Variants in SNAP47 observed in about 807,000 individuals in gnomAD.
SNAP47 encodes synaptosome associated protein 47.
In SNAP47, 20 loss-of-function variants were observed where a neutral mutation model predicts 31.4. The observed-to-expected ratio is 0.64, with a 90% CI of 0.45 to 0.93. The LOEUF (loss-of-function observed/expected upper bound fraction) is 0.93. Ranked by LOEUF, SNAP47 falls within the 40% of genes least tolerant of loss-of-function variation. The probability of loss-of-function intolerance (pLI) is 0.00; values close to 1 mark genes in which losing one functional copy is unlikely to be tolerated. For synonymous variants in SNAP47, 194 were observed against 213.4 expected (o/e 0.91, Z 0.79); for missense variants, 492 against 528.5 (o/e 0.93, Z 0.68).
intron 4 of SNAP47, among the ~76,000 whole-genome samples, chr1:227,779,768 A>C (rs1664356130): frequency 6.6e-6 from 1 of 152,152 alleles, no homozygotes; most frequent in Non-Finnish European, 1.5e-5. Context: ...CCACAGACAC[A>C]GCACCAGCTC....
intron 3 of SNAP47, among the ~76,000 whole-genome samples, chr1:227,765,052 T>G (rs1471809862): frequency 1.3e-5 from 2 of 152,180 alleles, no homozygotes; most frequent in African/African-American, 4.8e-5. Flanking sequence ...TAAATAGTTG[T>G]TGTTTTTTAA....
chr1:227,776,819 G>A (rs1023022669), intron 4 of SNAP47: 1 of 985,312 alleles, frequency 1.0e-6, no homozygotes, highest in Non-Finnish European at 1.2e-6. Context: ...GTGCAATTTT[G>A]GCAGGCAGGC....
rs1210242486 is a variant in SNAP47, at chr1:227,747,580, G to GTGC, written c.-45-108_-45-106dup. 9 of 1,106,122 alleles carry GTGC rather than the reference G, an allele frequency of 8.1e-6. No homozygotes were observed. The African/African-American group carries it at 9.5e-5, about 12-fold the overall frequency. The allele number at this position is 1,106,122 out of a possible 1,614,324, so 68.5% of individuals were successfully genotyped here. A position where few individuals can be genotyped will look rare whatever the true frequency, so the allele number is the denominator to read the frequency against. ...CACAGGTGGATCGAGAGTCAGCCAC[G>GTGC]TGCTGCAGCCTGTGTGAGCCCAGAG... On this transcript the variant is annotated intron_variant, in intron 1 of 4. Transcript: ENST00000617596.
intron 4 of SNAP47, among the ~76,000 whole-genome samples, chr1:227,780,230 G>A (rs1664384753): frequency 6.6e-6 from 1 of 152,190 alleles, no homozygotes; most frequent in South Asian, 2.1e-4. Context: ...GCCAAACAGA[G>A]CACTCCGCAG....
rs1661075715 is a variant in SNAP47, at chr1:227,735,597, C to T, written c.-46+98C>T. 3.0e-6 allele frequency: 4 copies of T among 1,328,154 alleles called. No homozygotes were observed. The South Asian group carries it at 8.4e-5, about 28-fold the overall frequency. 82.3% of individuals were successfully genotyped at this position (1,328,154 alleles called of 1,614,324 possible). A position where few individuals can be genotyped will look rare whatever the true frequency, so the allele number is the denominator to read the frequency against. ...CGCGCTGTGGCTGACACAGCCCGAG[C>T]CCTCCTTCCCGCATCCCCGGGGGGT... On this transcript the variant is annotated intron_variant, in intron 1 of 4. Coordinates refer to ENST00000617596, the MANE Select transcript of SNAP47 (RefSeq NM_053052.4).
chr1:227,755,973 C>A (rs1307323205), intron 2 of SNAP47, among the ~76,000 whole-genome samples: 1 of 152,230 alleles, frequency 6.6e-6, no homozygotes, highest in Non-Finnish European at 1.5e-5. Context: ...CTACCTGTAA[C>A]ATGTAAGCAT....
chr1:227,765,846 G>T (rs1198953570), intron 3 of SNAP47, among the ~76,000 whole-genome samples: 1 of 152,164 alleles, frequency 6.6e-6, no homozygotes, highest in Admixed American at 6.5e-5. Context: ...CTGCTCAGCC[G>T]GGTGCTGTCA....
At chr1:227,775,222 G>A (rs190790488) in intron 4 of SNAP47, among the ~76,000 whole-genome samples, 1 of 152,358 alleles carries the variant, frequency 6.6e-6, no homozygotes, top group African/African-American at 2.4e-5. Flanking sequence ...TCCAGAGCTT[G>A]GCTGCGGTGA....
chr1:227,775,377 C>T (rs6696944), intron 4 of SNAP47, among the ~76,000 whole-genome samples: 57,682 of 152,116 alleles, frequency 0.38, 11,116 homozygotes, highest in Admixed American at 0.42. Flanking sequence ...TTCACAGTTC[C>T]TCAGTGAGTC....
intron 1 of SNAP47, chr1:227,746,892 G>A (rs1328872545): frequency 3.3e-5 from 5 of 152,236 alleles, no homozygotes; most frequent in Admixed American, 2.0e-4. Flanking sequence ...CCTGGATCTT[G>A]CACAAGGCCC....
chr1:227,753,946 G>C (rs1662536334), intron 2 of SNAP47, among the ~76,000 whole-genome samples: 1 of 152,204 alleles, frequency 6.6e-6, no homozygotes, highest in Non-Finnish European at 1.5e-5. Context: ...TTAGCCATCT[G>C]TAGGTGGCTT....
chr1:227,750,450 T>A (rs550368069), intron 2 of SNAP47, among the ~76,000 whole-genome samples: 10 of 152,382 alleles, frequency 6.6e-5, no homozygotes, highest in African/African-American at 2.2e-4. Context: ...TGCAGAGTAG[T>A]GCTTGACGAC....
chr1:227,762,910 CCA>C lies in SNAP47; in HGVS notation c.988+3430_988+3431del, dbSNP rs1663155759. On this transcript the variant is annotated intron_variant, in intron 3 of 4. Transcript: ENST00000617596. This position sits in a 1 kb window ranked among gnomAD's most constrained non-coding sequence, Gnocchi z 4.2. ...AAGGCCACAGGGTGAGGTTTCCTTC[CCA>C]CACATCCTACCAAGGGACATGCACA... Among the ~76,000 whole-genome samples the C allele has an allele frequency of 6.6e-6, 1 of 152,154 alleles. No individual in the cohort carries two copies. The highest frequency in any genetic ancestry group is 2.1e-4 in the South Asian group (1 of 4,830).
Position 227,780,523 on chromosome 1 carries a change from C to G in SNAP47, c.1114-4C>G. On this transcript the variant is annotated splice_region_variant and splice_polypyrimidine_tract_variant and intron_variant, in intron 4 of 4. Transcript: ENST00000617596. ...CTCTGCTGTGATCTTGTGCTTCTCC[C>G]CAGATCCTGAGGAGGATGAAGGGGC... 1 of 1,613,906 alleles carries G rather than the reference C, an allele frequency of 6.2e-7. No individual in the cohort carries two copies. The highest frequency in any genetic ancestry group is 8.5e-7 in the Non-Finnish European group (1 of 1,180,024).
intron 4 of SNAP47, among the ~76,000 whole-genome samples, chr1:227,769,079 C>T (rs1192660313): frequency 1.3e-5 from 2 of 152,232 alleles, no homozygotes; most frequent in Non-Finnish European, 2.9e-5. Context: ...AGCCCGGGAG[C>T]GTTGGGGAGG....
chr1:227,772,347 C>G (rs1194685184), intron 4 of SNAP47, among the ~76,000 whole-genome samples: 1 of 151,952 alleles, frequency 6.6e-6, no homozygotes, highest in Non-Finnish European at 1.5e-5. Flanking sequence ...CCCCAGCCCC[C>G]CGCCCACCAC....
At chr1:227,755,629 C>T (rs1416134748) in intron 2 of SNAP47, among the ~76,000 whole-genome samples, 4 of 152,178 alleles carry the variant, frequency 2.6e-5, no homozygotes, top group Non-Finnish European at 5.9e-5. Context: ...CTCAAGTAAT[C>T]CACCTCGGCC....
At chr1:227,760,930 G>A (rs1167813794) in intron 3 of SNAP47, among the ~76,000 whole-genome samples, 2 of 152,190 alleles carry the variant, frequency 1.3e-5, no homozygotes, top group East Asian at 1.9e-4. Context: ...TTCCCCTGCA[G>A]TTTGTCTTCG....
chr1:227,736,611 T>G (rs370383785), intron 1 of SNAP47: 1 of 145,516 alleles, frequency 6.9e-6, no homozygotes, highest in African/African-American at 2.5e-5. Context: ...TCTTTAATTC[T>G]GCTTCAGCCT....
Sources: allele counts gnomAD v4.1 joint callset (sites outside exome capture counted in the v4.1 genomes callset), GRCh38; gene constraint gnomAD v4.1.1; non-coding constraint Gnocchi (gnomAD v3.1); transcripts MANE v1.5; gene names NCBI Gene and HGNC (gene_info 2026-07-23, HGNC 2026-07-21).